LEPROT: variants seen among roughly 807,000 people sequenced by gnomAD.
LEPROT encodes the protein leptin receptor gene-related protein.
In LEPROT, 3 loss-of-function variants were observed where a neutral mutation model predicts 15.4. The ratio of observed to expected loss-of-function variants is 0.19; its 90% CI spans 0.09 to 0.50. LEPROT has a LOEUF of 0.50. Among genes scored for constraint, LEPROT ranks in the 20% least tolerant of loss-of-function variants. The pLI, the probability that LEPROT is intolerant of heterozygous loss-of-function variation, is 0.97. For synonymous variants in LEPROT, 59 were observed against 57.5 expected (o/e 1.03, Z -0.12); for missense variants, 137 against 162.2 (o/e 0.84, Z 0.84).
intron 2 of LEPROT, 93 bp from the exon 3 acceptor site, chr1:65,429,769 A>G: frequency 8.9e-7 from 1 of 1,123,936 alleles, no homozygotes; most frequent in South Asian, 2.4e-5. Context: ...CTAAACATTT[A>G]AAATAGCAAT....
At position 65,432,019 on chromosome 1, in the gene LEPROT, T is replaced by G. The variant is rs924220491; in HGVS notation, c.*100T>G. 3 of 1,473,282 alleles carry G rather than the reference T, an allele frequency of 2.0e-6. No individual in the cohort carries two copies. The highest frequency in any genetic ancestry group is 2.4e-5 in the East Asian group (1 of 41,914). The allele number at this position is 1,473,282 out of a possible 1,614,324, so 91.3% of individuals were successfully genotyped here. ...TTACTATGAAATTTAATATGCTGGG[T>G]TTTTTAATACCTTTATATATCATGT... On this transcript the variant is annotated 3_prime_UTR_variant, in exon 4 of 4. Coordinates refer to ENST00000371065, the MANE Select transcript of LEPROT (RefSeq NM_017526.5).
chr1:65,424,875 A>G (rs936616806), intron 1 of LEPROT, among the ~76,000 whole-genome samples: 1 of 152,172 alleles, frequency 6.6e-6, no homozygotes, highest in Non-Finnish European at 1.5e-5. Context: ...ATTATCTCCC[A>G]AAGGTCCACC....
In LEPROT at chr1:65,433,568, G is replaced by A. The variant is rs1646517687; in HGVS notation, c.*1649G>A. On this transcript the variant is annotated 3_prime_UTR_variant, in exon 4 of 4. Coordinates refer to ENST00000371065, the MANE Select transcript of LEPROT (RefSeq NM_017526.5). ...TGTGATCTGAGTAATTAGCAGGTAT[G>A]ATGCTGGGACTGGAAAATAGAAAGT... 1.0e-6 allele frequency: 1 copy of A among 985,284 alleles called. No homozygotes were observed. The allele number at this position is 985,284 out of a possible 1,614,324, so 61.0% of individuals were successfully genotyped here. A position where few individuals can be genotyped will look rare whatever the true frequency, so the allele number is the denominator to read the frequency against.
chr1:65,433,004 C>T lies in LEPROT; in HGVS notation c.*1085C>T. ...ACATCTCAGTGGGGAACAGATGTAT[C>T]TTTTCATCTGAAAGACAATGCTGGG... On this transcript the variant is annotated 3_prime_UTR_variant, in exon 4 of 4. Coordinates refer to ENST00000371065, the MANE Select transcript of LEPROT (RefSeq NM_017526.5). 1 of 985,390 alleles carries T rather than the reference C, an allele frequency of 1.0e-6. No individual in the cohort carries two copies. Among genetic ancestry groups the T allele is most frequent in the Non-Finnish European group, 1.2e-6 (1 of 829,892 alleles). 61.0% of individuals were successfully genotyped at this position (985,390 alleles called of 1,614,324 possible).
rs368300562 is a variant in LEPROT, at chr1:65,421,785, T to A, written c.16+1045T>A. Among the ~76,000 whole-genome samples the A allele has an allele frequency of 2.9e-3, 437 of 152,298 alleles. 18 individuals are homozygous for A. In the South Asian group the frequency reaches 0.088, roughly 31 times the overall value. On this transcript the variant is annotated intron_variant, in intron 1 of 3. Transcript: ENST00000371065. ...TGCCGAAAACAGATGAAAAGTAGTG[T>A]CTCAGTACTACACATGATCAGAAAC...
intron 2 of LEPROT, among the ~76,000 whole-genome samples, chr1:65,426,702 A>C (rs1448156985): frequency 6.6e-6 from 1 of 152,156 alleles, no homozygotes; most frequent in African/African-American, 2.4e-5. Context: ...AACTAGATAG[A>C]AGATGATGTG....
At position 65,434,090 on chromosome 1, in the gene LEPROT, C is replaced by T. The variant is rs1343589732; in HGVS notation, c.*2171C>T. On this transcript the variant is annotated 3_prime_UTR_variant, in exon 4 of 4. Transcript: ENST00000371065. ...GTAGCCTTCATATGTAGCCTTAAAG[C>T]ATTACCTCTTGATTGTATCTTTAGA... 2.3e-5 allele frequency: 23 copies of T among 984,904 alleles called. No individual in the cohort carries two copies. The highest frequency in any genetic ancestry group is 2.7e-5 in the Non-Finnish European group (22 of 829,620). 61.0% of individuals were successfully genotyped at this position (984,904 alleles called of 1,614,324 possible).
chr1:65,431,813 G>C lies in LEPROT; in HGVS notation c.290G>C (p.Gly97Ala). The change falls in exon 4 of 4, where the codon GGA (glycine) becomes GCA (alanine). Residue 97 changes from glycine to alanine, a missense_variant. Gly to Ala is a moderately conservative substitution (Grantham distance 60, BLOSUM62 0). Transcript: ENST00000371065. The part of the protein sequence containing the change: ...ILARVAVIKW[G>A]ACGLVLAGNA... ...TTTCTTGTCTTTCAGATCAAATGGG[G>C]AGCCTGCGGCCTTGTGTTGGCAGGC... is the stretch of plus-strand genomic sequence containing the variant. 6.2e-7 allele frequency: 1 copy of C among 1,612,776 alleles called. No homozygotes were observed. Among genetic ancestry groups the C allele is most frequent in the Non-Finnish European group, 8.5e-7 (1 of 1,179,512 alleles).
Position 65,433,649 on chromosome 1 carries a change from G to A in LEPROT, c.*1730G>A. 1.0e-6 allele frequency: 1 copy of A among 985,228 alleles called. No individual in the cohort carries two copies. Among genetic ancestry groups the A allele is most frequent in the Non-Finnish European group, 1.2e-6 (1 of 829,808 alleles). The allele number at this position is 985,228 out of a possible 1,614,324, so 61.0% of individuals were successfully genotyped here. A position where few individuals can be genotyped will look rare whatever the true frequency, so the allele number is the denominator to read the frequency against. ...TTTTTGGCCTTGTTCATGATTTTAT[G>A]TTTTCAGTGTCCTGTGTACATATAG... On this transcript the variant is annotated 3_prime_UTR_variant, in exon 4 of 4. Transcript: ENST00000371065.
Position 65,432,029 on chromosome 1 carries a change from C to A in LEPROT, c.*110C>A. 6.9e-7 allele frequency: 1 copy of A among 1,441,894 alleles called. No homozygotes were observed. Among genetic ancestry groups the A allele is most frequent in the Non-Finnish European group, 9.1e-7 (1 of 1,099,554 alleles). 89.3% of individuals were successfully genotyped at this position (1,441,894 alleles called of 1,614,324 possible). On this transcript the variant is annotated 3_prime_UTR_variant, in exon 4 of 4. Transcript: ENST00000371065. The stretch of plus-strand genomic sequence containing the variant: ...ATTTAATATGCTGGGTTTTTTAATA[C>A]CTTTATATATCATGTTCACTTTAAG...
chr1:65,428,580 T>G (rs1309593329), intron 2 of LEPROT, among the ~76,000 whole-genome samples: 1 of 152,210 alleles, frequency 6.6e-6, no homozygotes, highest in Non-Finnish European at 1.5e-5. Flanking sequence ...GCCTTTTGGT[T>G]GCCTAGATCT....
In LEPROT at chr1:65,434,862, T is replaced by C. The variant is rs181769435; in HGVS notation, c.*2943T>C. 4.1e-6 allele frequency: 4 copies of C among 985,510 alleles called. No homozygotes were observed. Among genetic ancestry groups the C allele is most frequent in the Admixed American group, 6.1e-5 (1 of 16,280 alleles). The allele number at this position is 985,510 out of a possible 1,614,324, so 61.0% of individuals were successfully genotyped here. On this transcript the variant is annotated 3_prime_UTR_variant, in exon 4 of 4. Coordinates refer to ENST00000371065, the MANE Select transcript of LEPROT (RefSeq NM_017526.5). Reference sequence around the variant, plus strand: ...TCCTCCCATTAGTCAGTTCTCTAAGTACAGCTGATGTCATGTGGTGCTGAG... The same window carrying C: ...TCCTCCCATTAGTCAGTTCTCTAAGCACAGCTGATGTCATGTGGTGCTGAG...
chr1:65,429,541 A>G (rs1462683401), intron 2 of LEPROT, among the ~76,000 whole-genome samples: 1 of 152,206 alleles, frequency 6.6e-6, no homozygotes, highest in African/African-American at 2.4e-5. Context: ...ACTATGTTCT[A>G]TAGGGAAGGC....
At chr1:65,427,841 G>T (rs539921605) in intron 2 of LEPROT, 2 of 362,760 alleles carry the variant, frequency 5.5e-6, no homozygotes, top group East Asian at 1.7e-4. Flanking sequence ...GAGTCTCTCT[G>T]TGTTGCTCAG....
At position 65,432,028 on chromosome 1, in the gene LEPROT, AC is replaced by A; in HGVS notation, c.*111del. 1.4e-6 allele frequency: 2 copies of A among 1,442,252 alleles called. No homozygotes were observed. The highest frequency in any genetic ancestry group is 1.8e-6 in the Non-Finnish European group (2 of 1,099,816). The allele number at this position is 1,442,252 out of a possible 1,614,324, so 89.3% of individuals were successfully genotyped here. A position where few individuals can be genotyped will look rare whatever the true frequency, so the allele number is the denominator to read the frequency against. On this transcript the variant is annotated 3_prime_UTR_variant, in exon 4 of 4. Transcript: ENST00000371065. Reference sequence around the variant, plus strand: ...AATTTAATATGCTGGGTTTTTTAATACCTTTATATATCATGTTCACTTTAAG... The same window carrying A: ...AATTTAATATGCTGGGTTTTTTAATACTTTATATATCATGTTCACTTTAAG...
At chr1:65,430,073 G>A in intron 3 of LEPROT, 25 bp downstream of exon 3, 1 of 1,531,344 alleles carries the variant, frequency 6.5e-7, no homozygotes. Flanking sequence ...CTATTGTTTT[G>A]CCCAACCGTT....
chr1:65,430,104 C>G, intron 3 of LEPROT, 56 bp downstream of exon 3: 1 of 1,425,246 alleles, frequency 7.0e-7, no homozygotes, highest in Non-Finnish European at 9.4e-7. Flanking sequence ...CTTCAGAGGC[C>G]TGTGTCTGGG....
Position 65,436,007 on chromosome 1 carries a change from A to T in LEPROT, c.*4088A>T. 1.0e-6 allele frequency: 1 copy of T among 984,106 alleles called. No homozygotes were observed. Among genetic ancestry groups the T allele is most frequent in the South Asian group, 4.7e-5 (1 of 21,252 alleles). 61.0% of individuals were successfully genotyped at this position (984,106 alleles called of 1,614,324 possible). On this transcript the variant is annotated 3_prime_UTR_variant, in exon 4 of 4. Transcript: ENST00000371065. ...AATAAAACTTGTTATTGACATTTTA[A>T]CAAAGGCTTTTATGTACATTATTAA...
In LEPROT at chr1:65,433,588, G is replaced by A; in HGVS notation, c.*1669G>A. 1 of 985,442 alleles carries A rather than the reference G, an allele frequency of 1.0e-6. No homozygotes were observed. Among genetic ancestry groups the A allele is most frequent in the Middle Eastern group, 5.2e-4 (1 of 1,914 alleles). The allele number at this position is 985,442 out of a possible 1,614,324, so 61.0% of individuals were successfully genotyped here. A position where few individuals can be genotyped will look rare whatever the true frequency, so the allele number is the denominator to read the frequency against. ...GGTATGATGCTGGGACTGGAAAATA[G>A]AAAGTAATAACTAAAGGGTTAATGT... On this transcript the variant is annotated 3_prime_UTR_variant, in exon 4 of 4. Coordinates refer to ENST00000371065, the MANE Select transcript of LEPROT (RefSeq NM_017526.5).
Sources: allele counts gnomAD v4.1 joint callset (sites outside exome capture counted in the v4.1 genomes callset), GRCh38; gene constraint gnomAD v4.1.1; transcripts MANE v1.5; gene names NCBI Gene and HGNC (gene_info 2026-07-23, HGNC 2026-07-21).